Variants in STK4 observed in about 807,000 individuals in gnomAD.
STK4 encodes the protein serine/threonine-protein kinase 4.
Under a neutral mutation model 64.9 loss-of-function variants are expected in STK4, and 30 were observed. That is an observed-to-expected ratio of 0.46 (90% confidence interval 0.35 to 0.63). The LOEUF (loss-of-function observed/expected upper bound fraction) is 0.63, where lower values mean the gene tolerates loss of function less well. STK4 is among the 20% of genes least tolerant of loss of function. The pLI, the probability that STK4 is intolerant of heterozygous loss-of-function variation, is 0.01. For missense variants in STK4, 466 were observed against 598.5 expected (o/e 0.78, Z 2.31); for synonymous variants, 177 against 199.0 (o/e 0.89, Z 0.93).
At chr20:44,983,423 G>A (rs897003257) in intron 4 of STK4, among the ~76,000 whole-genome samples, 2 of 152,080 alleles carry the variant, frequency 1.3e-5, no homozygotes, top group Non-Finnish European at 1.5e-5. Context: ...GCAACATAGC[G>A]AGACCTCGTC....
rs557786701 is a variant in STK4 at position 44,967,665 on chromosome 20, G to C, written c.35+1062G>C. ...TGAGCTCTAAAGAAGGAAGTGTTCAGGGTGTGGAAGTGCAGGGCAACCAAG... is the reference window on the plus strand; with the variant it reads ...TGAGCTCTAAAGAAGGAAGTGTTCACGGTGTGGAAGTGCAGGGCAACCAAG... On this transcript the variant is annotated intron_variant, in intron 1 of 10. Transcript: ENST00000372806. 2.7e-5 allele frequency among the ~76,000 whole-genome samples: 4 copies of C among 150,742 alleles called. No homozygotes were observed. The South Asian group carries it at 6.3e-4, about 24-fold the overall frequency.
chr20:45,050,316 T>C (rs1324347107), intron 10 of STK4, among the ~76,000 whole-genome samples: 1 of 151,316 alleles, frequency 6.6e-6, no homozygotes, highest in Non-Finnish European at 1.5e-5. Flanking sequence ...ATGAGCAGAC[T>C]GTTGAGTTTA....
rs2067856225 is a variant in STK4 at position 45,002,321 on chromosome 20, T to C, written c.1147+968T>C. Among the ~76,000 whole-genome samples the C allele has an allele frequency of 2.0e-5, 3 of 152,224 alleles. No homozygotes were observed. The South Asian group carries it at 6.2e-4, about 31-fold the overall frequency. On this transcript the variant is annotated intron_variant, in intron 9 of 10. Coordinates refer to ENST00000372806, the MANE Select transcript of STK4 (RefSeq NM_006282.5). ...GAATTAATTTTTTTCCAAATGTGAT[T>C]TTCATAATTCAAATGCTAATTCAAT...
chr20:44,990,575 G>T (rs979934379), intron 5 of STK4, among the ~76,000 whole-genome samples: 1 of 152,158 alleles, frequency 6.6e-6, no homozygotes, highest in Non-Finnish European at 1.5e-5. Context: ...TTGTCTAGAG[G>T]CTGTAGGCCT....
At chr20:45,053,869 C>T (rs1337004957) in intron 10 of STK4, among the ~76,000 whole-genome samples, 1 of 152,010 alleles carries the variant, frequency 6.6e-6, no homozygotes, top group Non-Finnish European at 1.5e-5. Flanking sequence ...AATCATTGCT[C>T]AAAGCTGTGT....
intron 9 of STK4, among the ~76,000 whole-genome samples, chr20:45,020,213 C>T (rs1355692586): frequency 6.6e-6 from 1 of 152,114 alleles, no homozygotes; most frequent in Non-Finnish European, 1.5e-5. Flanking sequence ...TGATATAGTA[C>T]ATTTTCTGGC....
chr20:45,057,966 A>G (rs1445958143), intron 10 of STK4, among the ~76,000 whole-genome samples: 3 of 152,180 alleles, frequency 2.0e-5, no homozygotes, highest in Admixed American at 6.5e-5. Flanking sequence ...CTTTTACAGA[A>G]TAAGGATTAA....
chr20:44,978,830 G>A (rs561497061), intron 3 of STK4, among the ~76,000 whole-genome samples: 10 of 136,204 alleles, frequency 7.3e-5, no homozygotes, highest in Admixed American at 5.0e-4. Flanking sequence ...ACAAAGTCTC[G>A]CTCTGTCGCC....
chr20:45,057,720 G>A (rs1263361264), intron 10 of STK4, among the ~76,000 whole-genome samples: 1 of 152,144 alleles, frequency 6.6e-6, no homozygotes, highest in Non-Finnish European at 1.5e-5. Flanking sequence ...GAAGCTAAGT[G>A]TTTTTAACTC....
At chr20:45,059,364 G>T (rs1978789898) in intron 10 of STK4, among the ~76,000 whole-genome samples, 1 of 152,016 alleles carries the variant, frequency 6.6e-6, no homozygotes, top group South Asian at 2.1e-4. Context: ...TTTCTCTTCG[G>T]CATATGTGAA....
intron 7 of STK4, among the ~76,000 whole-genome samples, chr20:44,997,766 A>G (rs2067762065): frequency 6.6e-6 from 1 of 152,234 alleles, no homozygotes; most frequent in Non-Finnish European, 1.5e-5. Context: ...TTGAGTAGAA[A>G]AGAATGTTAA....
At chr20:45,030,756 TAGC>T (rs1223909164) in intron 10 of STK4, among the ~76,000 whole-genome samples, 1 of 152,232 alleles carries the variant, frequency 6.6e-6, no homozygotes, top group Non-Finnish European at 1.5e-5. Flanking sequence ...CATATTCTAT[TAGC>T]AGATCACTTT....
intron 9 of STK4, among the ~76,000 whole-genome samples, chr20:45,010,344 C>A (rs1490720258): frequency 6.6e-6 from 1 of 152,088 alleles, no homozygotes; most frequent in Non-Finnish European, 1.5e-5. Flanking sequence ...GGATTACAGT[C>A]GTGAGCCACC....
intron 9 of STK4, 34 bp downstream of exon 9, chr20:45,001,387 A>T: frequency 6.3e-7 from 1 of 1,584,434 alleles, no homozygotes; most frequent in Non-Finnish European, 8.6e-7. Context: ...GACTTCTTAG[A>T]CCAAGCATAC....
rs774995364 is a variant in STK4, at chr20:45,075,099, C to A, written c.1387C>A (p.Arg463=). The change falls in exon 11 of 11, where the codon CGG becomes AGG. Residue 463 remains arginine (R), a synonymous_variant. Transcript: ENST00000372806. The part of the protein sequence containing the change: ...PMMEQEIEEI[R]QKYQSKRQPI... The stretch of plus-strand genomic sequence containing the variant: ...GATGGAGCAGGAGATTGAAGAGATC[C>A]GGCAGAAGTACCAGTCCAAGCGGCA... 6.2e-7 allele frequency: 1 copy of A among 1,614,110 alleles called. No homozygotes were observed. Among genetic ancestry groups the A allele is most frequent in the Non-Finnish European group, 8.5e-7 (1 of 1,180,028 alleles).
intron 4 of STK4, among the ~76,000 whole-genome samples, chr20:44,983,101 C>G (rs2067470457): frequency 6.6e-6 from 1 of 152,072 alleles, no homozygotes; most frequent in Admixed American, 6.6e-5. Context: ...ATGAGTTTGG[C>G]ATGTCTGAGT....
chr20:45,004,617 C>A (rs552865752), intron 9 of STK4, among the ~76,000 whole-genome samples: 1 of 151,652 alleles, frequency 6.6e-6, no homozygotes, highest in East Asian at 1.9e-4. Flanking sequence ...TTCTCCCATT[C>A]TGTAGGTTGT....
chr20:45,016,032 C>G (rs1170277875), intron 9 of STK4, among the ~76,000 whole-genome samples: 1 of 151,912 alleles, frequency 6.6e-6, no homozygotes, highest in African/African-American at 2.4e-5. Context: ...TAGGTGCCAC[C>G]CCAGGAATGC....
In STK4 at chr20:45,075,366, A is replaced by G. The variant is rs1980433169; in HGVS notation, c.*190A>G. 3.1e-6 allele frequency: 2 copies of G among 651,526 alleles called. No homozygotes were observed. Among genetic ancestry groups the G allele is most frequent in the African/African-American group, 1.8e-5 (1 of 54,868 alleles). 40.4% of individuals were successfully genotyped at this position (651,526 alleles called of 1,614,324 possible). On this transcript the variant is annotated 3_prime_UTR_variant, in exon 11 of 11. Transcript: ENST00000372806. ...GTGCCATCTTGATGTGTGTATGTAC[A>G]TTGGTCAGGTATATTATCTCAAAGG...
Sources: allele counts gnomAD v4.1 joint callset (sites outside exome capture counted in the v4.1 genomes callset), GRCh38; gene constraint gnomAD v4.1.1; transcripts MANE v1.5; gene names NCBI Gene and HGNC (gene_info 2026-07-23, HGNC 2026-07-21).